The following LMO3 variants were observed in gnomAD, a reference collection of about 807,000 sequenced individuals.
The protein encoded by LMO3 is LIM domain only 3.
In LMO3, 2 loss-of-function variants were observed where a neutral mutation model predicts 15.8. The ratio of observed to expected loss-of-function variants is 0.13; its 90% CI spans 0.05 to 0.40. LMO3 has a LOEUF of 0.40. LMO3 is among the 10% of genes least tolerant of loss of function. The pLI, the probability that LMO3 is intolerant of heterozygous loss-of-function variation, is 0.99. For missense variants in LMO3, 86 were observed against 182.2 expected, an observed-to-expected ratio of 0.47 and a Z score of 3.04; for synonymous variants, 62 against 63.8, an observed-to-expected ratio of 0.97 and a Z score of 0.13.
In LMO3 at chr12:16,560,122, A is replaced by G. The variant is rs1363454145; in HGVS notation, c.332+291T>C. 6.6e-6 allele frequency among the ~76,000 whole-genome samples: 1 copy of G among 152,236 alleles called. No homozygotes were observed. The highest frequency in any genetic ancestry group is 2.4e-5 in the African/African-American group (1 of 41,474). On this transcript the variant is annotated intron_variant, in intron 3 of 3. Transcript: ENST00000537304. This position sits in a 1 kb window ranked among gnomAD's most constrained non-coding sequence, Gnocchi z 5.0. ...GTAGATATTTAAAACTACTTTTAAA[A>G]AGACAGGAAAATAATAAAAGAAGGA...
At position 16,585,549 on chromosome 12, in the gene LMO3, T is replaced by G. The variant is rs2137573588; in HGVS notation, c.206+15106A>C. Among the ~76,000 whole-genome samples, 1 of 152,322 alleles carries G rather than the reference T, an allele frequency of 6.6e-6. No homozygotes were observed. The highest frequency in any genetic ancestry group is 2.1e-4 in the South Asian group (1 of 4,824). On this transcript the variant is annotated intron_variant, in intron 2 of 3. Coordinates refer to ENST00000537304, the MANE Select transcript of LMO3 (RefSeq NM_018640.5). This position sits in a 1 kb window ranked among gnomAD's most constrained non-coding sequence, Gnocchi z 4.7. ...AAACTAATTTCATCACAATCTCCCC[T>G]TTCCTAAATTCCTCTCACTCAGCTA...
chr12:16,554,726 G>A (rs1004069044), intron 3 of LMO3, among the ~76,000 whole-genome samples: 13 of 152,158 alleles, frequency 8.5e-5, no homozygotes, highest in Non-Finnish European at 1.8e-4. Context: ...TCCGGAGAGG[G>A]AGACCAGATT....
chr12:16,582,434 T>C lies in LMO3; in HGVS notation c.206+18221A>G, dbSNP rs1565500234. ...AATAGCATTAGTGTTTTATATTTTA[T>C]ATTGTCTTTATCAGGTCAAGGTACT... On this transcript the variant is annotated intron_variant, in intron 2 of 3. Transcript: ENST00000537304. The surrounding 1 kb of genome is among the most constrained non-coding windows in gnomAD (Gnocchi z 4.1). Among the ~76,000 whole-genome samples, 1 of 152,342 alleles carries C rather than the reference T, an allele frequency of 6.6e-6. No homozygotes were observed. The highest frequency in any genetic ancestry group is 2.1e-4 in the South Asian group (1 of 4,832).
chr12:16,553,689 A>C (rs1359801993), intron 3 of LMO3, among the ~76,000 whole-genome samples: 1 of 152,194 alleles, frequency 6.6e-6, no homozygotes, highest in Non-Finnish European at 1.5e-5. Flanking sequence ...TACGACTGGT[A>C]TGCAATTAAG....
intron 2 of LMO3, among the ~76,000 whole-genome samples, chr12:16,564,436 C>A (rs896149161): frequency 3.3e-5 from 5 of 152,212 alleles, no homozygotes; most frequent in Non-Finnish European, 5.9e-5. Context: ...AGTGTATATC[C>A]ATTTCTAACG....
chr12:16,578,311 AT>A (rs1943056191), intron 2 of LMO3, among the ~76,000 whole-genome samples: 1 of 152,112 alleles, frequency 6.6e-6, no homozygotes, highest in African/African-American at 2.4e-5. Flanking sequence ...GAACAATTGT[AT>A]TTTACTTAGC....
In LMO3 at chr12:16,585,564, T is replaced by C. The variant is rs1279595674; in HGVS notation, c.206+15091A>G. On this transcript the variant is annotated intron_variant, in intron 2 of 3. Transcript: ENST00000537304. The surrounding 1 kb of genome is among the most constrained non-coding windows in gnomAD (Gnocchi z 4.7). ...CAATCTCCCCTTTCCTAAATTCCTC[T>C]CACTCAGCTATCTGAGCATCTCTCA... 6.6e-6 allele frequency among the ~76,000 whole-genome samples: 1 copy of C among 152,158 alleles called. No homozygotes were observed. Among genetic ancestry groups the C allele is most frequent in the Non-Finnish European group, 1.5e-5 (1 of 68,028 alleles).
intron 1 of LMO3, chr12:16,605,355 T>A: frequency 8.6e-7 from 1 of 1,166,460 alleles, no homozygotes; most frequent in Non-Finnish European, 1.1e-6. Context: ...GCTGCATCAG[T>A]TTGAATCTCA....
intron 2 of LMO3, among the ~76,000 whole-genome samples, chr12:16,595,357 A>C (rs1012373030): frequency 2.0e-5 from 3 of 151,470 alleles, no homozygotes; most frequent in African/African-American, 7.2e-5. Flanking sequence ...AAGATATTGC[A>C]GATAAATTTA....
At chr12:16,573,888 A>C (rs924319111) in intron 2 of LMO3, 1 of 152,308 alleles carries the variant, frequency 6.6e-6, no homozygotes, top group Non-Finnish European at 1.5e-5. Context: ...ACTCCACGCC[A>C]GGAGCAGCAG....
Position 16,548,772 on chromosome 12 carries a change from C to T in LMO3, c.*2450G>A, listed in dbSNP as rs1284334352. The T allele has an allele frequency of 6.6e-6, 1 of 152,122 alleles. No homozygotes were observed. The highest frequency in any genetic ancestry group is 6.5e-5 in the Admixed American group (1 of 15,270). The allele number at this position is 152,122 out of a possible 1,614,324, so 9.4% of individuals were successfully genotyped here. On this transcript the variant is annotated 3_prime_UTR_variant, in exon 4 of 4. Coordinates refer to ENST00000537304, the MANE Select transcript of LMO3 (RefSeq NM_018640.5). The surrounding 1 kb of genome is among the most constrained non-coding windows in gnomAD (Gnocchi z 4.2). ...GGGCAATTAGCTGTAAAATGGCCTA[C>T]AGCTGAAACACTATTCTTGTCTTAT... is the stretch of plus-strand genomic sequence containing the variant.
At chr12:16,588,524 A>G (rs1480386169) in intron 2 of LMO3, among the ~76,000 whole-genome samples, 1 of 152,124 alleles carries the variant, frequency 6.6e-6, no homozygotes, top group Admixed American at 6.6e-5. Context: ...GCATGGATAT[A>G]TAAGGTATTT....
Position 16,589,565 on chromosome 12 carries a change from G to C in LMO3, c.206+11090C>G, listed in dbSNP as rs1471745498. 3.3e-5 allele frequency: 5 copies of C among 152,038 alleles called. No individual in the cohort carries two copies. The highest frequency in any genetic ancestry group is 3.3e-4 in the Admixed American group (5 of 15,258). The allele number at this position is 152,038 out of a possible 1,614,324, so 9.4% of individuals were successfully genotyped here. On this transcript the variant is annotated intron_variant, in intron 2 of 3. Transcript: ENST00000537304. The surrounding 1 kb of genome is among the most constrained non-coding windows in gnomAD (Gnocchi z 4.2). The stretch of plus-strand genomic sequence containing the variant: ...GTCAAGAGCTAACCAAGAAGACAAG[G>C]AATGTAACATATTTAATCAAATAAG...
At chr12:16,569,191 T>C (rs1942724296) in intron 2 of LMO3, among the ~76,000 whole-genome samples, 1 of 152,160 alleles carries the variant, frequency 6.6e-6, no homozygotes, top group South Asian at 2.1e-4. Context: ...GAGCAGAAAA[T>C]ATCCCATGTC....
chr12:16,603,701 C>A lies in LMO3; in HGVS notation c.-9+2365G>T, dbSNP rs1943899187. ...TTAAACTCTGGTGAGCTTTTAATTG[C>A]CTGGATTGCATTGTGAAGCGGCCTA... On this transcript the variant is annotated intron_variant, in intron 1 of 3. Coordinates refer to ENST00000537304, the MANE Select transcript of LMO3 (RefSeq NM_018640.5). This position sits in a 1 kb window ranked among gnomAD's most constrained non-coding sequence, Gnocchi z 4.9. Among the ~76,000 whole-genome samples the A allele has an allele frequency of 1.3e-5, 2 of 152,134 alleles. No individual in the cohort carries two copies. Among genetic ancestry groups the A allele is most frequent in the South Asian group, 2.1e-4 (1 of 4,830 alleles).
intron 2 of LMO3, among the ~76,000 whole-genome samples, chr12:16,570,157 T>C (rs1028835164): frequency 1.3e-5 from 2 of 152,186 alleles, no homozygotes; most frequent in African/African-American, 4.8e-5. Flanking sequence ...TTTGTGATAG[T>C]CTATTCTATA....
chr12:16,607,760 A>T (rs559062569), upstream of LMO3: 3 of 142,742 alleles, frequency 2.1e-5, no homozygotes, highest in Non-Finnish European at 4.7e-5. Flanking sequence ...GTTTTAAAAA[A>T]AAAATCAAAG....
In LMO3 at chr12:16,549,464, C is replaced by G. The variant is rs1027117433; in HGVS notation, c.*1758G>C. ...ATTCACATGCATGTTCATAATAAAGCTTTGTTTTAAAACAAATCCACACCA... is the reference window on the plus strand; with the variant it reads ...ATTCACATGCATGTTCATAATAAAGGTTTGTTTTAAAACAAATCCACACCA... On this transcript the variant is annotated 3_prime_UTR_variant, in exon 4 of 4. Coordinates refer to ENST00000537304, the MANE Select transcript of LMO3 (RefSeq NM_018640.5). The G allele has an allele frequency of 6.6e-6, 1 of 152,412 alleles. No homozygotes were observed. Among genetic ancestry groups the G allele is most frequent in the Non-Finnish European group, 1.5e-5 (1 of 67,952 alleles). 9.4% of individuals were successfully genotyped at this position (152,412 alleles called of 1,614,324 possible).
Position 16,586,686 on chromosome 12 carries a change from T to C in LMO3, c.206+13969A>G, listed in dbSNP as rs1943332977. On this transcript the variant is annotated intron_variant, in intron 2 of 3. Transcript: ENST00000537304. The surrounding 1 kb of genome is among the most constrained non-coding windows in gnomAD (Gnocchi z 4.3). ...TACCGTCGGGGTAGAGATTTCAAGA[T>C]ACACATCTTTTGACCCCCCATTGCA... 6.6e-6 allele frequency among the ~76,000 whole-genome samples: 1 copy of C among 152,204 alleles called. No individual in the cohort carries two copies. The highest frequency in any genetic ancestry group is 1.5e-5 in the Non-Finnish European group (1 of 68,036).
Sources: gnomAD v4.1 joint callset for allele counts (sites outside exome capture counted in the v4.1 genomes callset) on GRCh38, gnomAD v4.1.1 for gene constraint, Gnocchi (gnomAD v3.1) non-coding constraint, MANE v1.5 for transcripts, NCBI Gene and HGNC (gene_info 2026-07-23, HGNC 2026-07-21) for gene names.